Variants in SRGAP3 observed in about 807,000 individuals in gnomAD.
SRGAP3 encodes SLIT-ROBO Rho GTPase activating protein 3.
SRGAP3 carries 39 observed loss-of-function variants against 121.1 expected under a neutral mutation model. The ratio of observed to expected loss-of-function variants is 0.32; its 90% CI spans 0.25 to 0.42. The LOEUF is 0.42. Among genes scored for constraint, SRGAP3 ranks in the 10% least tolerant of loss-of-function variants. The pLI is 1.00. For synonymous variants in SRGAP3, 601 were observed against 570.0 expected (o/e 1.05, Z -0.77); for missense variants, 1,213 against 1,470.6 (o/e 0.82, Z 2.86).
At chr3:9,228,719 G>A (rs1953082392) in intron 1 of SRGAP3, among the ~76,000 whole-genome samples, 1 of 152,186 alleles carries the variant, frequency 6.6e-6, no homozygotes, top group South Asian at 2.1e-4. Flanking sequence ...ACAGAAGAAA[G>A]ATCAACAAGG....
Position 8,985,876 on chromosome 3 carries a change from C to G in SRGAP3, c.2943G>C (p.Gln981His), listed in dbSNP as rs1338085746. The G allele has an allele frequency of 6.2e-7, 1 of 1,600,058 alleles. No homozygotes were observed. Among genetic ancestry groups the G allele is most frequent in the East Asian group, 2.2e-5 (1 of 44,862 alleles). Reference sequence around the variant, plus strand: ...CATCTGGCGCCTGCTTGACCGTGTTCTGCCTCTCGAGTTCCCGCAACTCGT... The same window carrying G: ...CATCTGGCGCCTGCTTGACCGTGTTGTGCCTCTCGAGTTCCCGCAACTCGT... ...ALHELRELER[Q>H]NTVKQAPDVV... is the part of the protein sequence containing the mutation. Residue 981 changes from glutamine to histidine, a missense_variant, in exon 22 of 22, where the codon CAG becomes CAC. Gln to His is a conservative substitution (Grantham distance 24). Transcript: ENST00000383836. This position sits in a 1 kb window ranked among gnomAD's most constrained non-coding sequence, Gnocchi z 5.1.
chr3:9,087,449 AAC>A (rs1414684115), intron 3 of SRGAP3, among the ~76,000 whole-genome samples: 1 of 152,092 alleles, frequency 6.6e-6, no homozygotes, highest in South Asian at 2.1e-4. Flanking sequence ...TAGAGTCAAG[AAC>A]ACAATTCTAA....
chr3:9,127,143 G>A (rs1001326144), intron 1 of SRGAP3, among the ~76,000 whole-genome samples: 5 of 151,032 alleles, frequency 3.3e-5, no homozygotes, highest in Non-Finnish European at 7.4e-5. Flanking sequence ...GAAACATAGG[G>A]AGACCTCGTC....
intron 3 of SRGAP3, among the ~76,000 whole-genome samples, chr3:9,319,177 A>G (rs981373898): frequency 5.3e-5 from 8 of 151,932 alleles, no homozygotes; most frequent in Non-Finnish European, 1.2e-4. Context: ...CATTTTACAA[A>G]TAAGAAAACA....
At chr3:9,256,062 A>G (rs1435301775) in intron 3 of SRGAP3, among the ~76,000 whole-genome samples, 2 of 151,948 alleles carry the variant, frequency 1.3e-5, no homozygotes, top group East Asian at 3.9e-4. Context: ...AGACCCTGCA[A>G]TGCACACAGG....
At chr3:9,103,779 A>G (rs1331552268) in intron 3 of SRGAP3, among the ~76,000 whole-genome samples, 1 of 152,256 alleles carries the variant, frequency 6.6e-6, no homozygotes, top group Non-Finnish European at 1.5e-5. Context: ...TTAGTTCTAC[A>G]AACATTTGCA....
At chr3:8,995,467 C>T (rs1053174818) in intron 18 of SRGAP3, among the ~76,000 whole-genome samples, 1 of 152,080 alleles carries the variant, frequency 6.6e-6, no homozygotes. Flanking sequence ...CAGAGCAAGA[C>T]CCTGTCTCAA....
At chr3:9,204,002 G>A (rs1574862888) in intron 1 of SRGAP3, among the ~76,000 whole-genome samples, 1 of 152,138 alleles carries the variant, frequency 6.6e-6, no homozygotes, top group Admixed American at 6.5e-5. Context: ...AAACATGAGA[G>A]GAGGATGTAG....
At chr3:9,196,873 G>A (rs1560396494) in intron 1 of SRGAP3, among the ~76,000 whole-genome samples, 1 of 152,236 alleles carries the variant, frequency 6.6e-6, no homozygotes, top group East Asian at 1.9e-4. Context: ...GTTAGGTGCA[G>A]AAACAGGATT....
intron 17 of SRGAP3, among the ~76,000 whole-genome samples, chr3:9,012,646 G>A (rs113669799): frequency 6.6e-6 from 1 of 152,276 alleles, no homozygotes; most frequent in East Asian, 1.9e-4. Flanking sequence ...GGTGAGAGGA[G>A]ACAAGGGTAG....
intron 3 of SRGAP3, among the ~76,000 whole-genome samples, chr3:9,081,872 T>C (rs1947261125): frequency 6.6e-6 from 1 of 152,214 alleles, no homozygotes; most frequent in East Asian, 1.9e-4. Flanking sequence ...CCCTCAAAAT[T>C]CCTATTTTGA....
chr3:9,221,411 C>T (rs1371977021), intron 1 of SRGAP3, among the ~76,000 whole-genome samples: 1 of 152,068 alleles, frequency 6.6e-6, no homozygotes, highest in Non-Finnish European at 1.5e-5. Flanking sequence ...GTGGTGCACG[C>T]CTGTAGTCCC....
chr3:9,171,498 C>T (rs1362845693), intron 1 of SRGAP3, among the ~76,000 whole-genome samples: 2 of 152,174 alleles, frequency 1.3e-5, no homozygotes, highest in Admixed American at 1.3e-4. Context: ...AACTGAAGCC[C>T]TATAAAAATA....
chr3:9,235,344 T>A (rs1423315759), intron 1 of SRGAP3, among the ~76,000 whole-genome samples: 1 of 152,194 alleles, frequency 6.6e-6, no homozygotes. Context: ...ACGTGAAGTC[T>A]GGAAGGAAAT....
chr3:9,086,344 G>A (rs1437370017), intron 3 of SRGAP3, among the ~76,000 whole-genome samples: 1 of 151,952 alleles, frequency 6.6e-6, no homozygotes, highest in African/African-American at 2.4e-5. Context: ...GGGCAACATG[G>A]TGAAACCCTG....
At position 9,139,292 on chromosome 3, in the gene SRGAP3, C is replaced by T. The variant is rs1014954920; in HGVS notation, c.68-14375G>A. On this transcript the variant is annotated intron_variant, in intron 1 of 21. Coordinates refer to ENST00000383836, the MANE Select transcript of SRGAP3 (RefSeq NM_014850.4). ...TAATCCCTGGAACCTGGGAATGTTA[C>T]CTTCAATGGCAAAAAAGGACGTTGC... Among the ~76,000 whole-genome samples, 3 of 152,168 alleles carry T rather than the reference C, an allele frequency of 2.0e-5. No homozygotes were observed. In the South Asian group the frequency reaches 6.3e-4, roughly 32 times the overall value.
chr3:9,326,335 C>T (rs990365488), intron 2 of SRGAP3, among the ~76,000 whole-genome samples: 2 of 151,800 alleles, frequency 1.3e-5, no homozygotes, highest in Admixed American at 1.3e-4. Flanking sequence ...AATGAAATCC[C>T]TTTATAAATG....
chr3:9,218,882 A>T lies in SRGAP3; in HGVS notation c.67+30003T>A, dbSNP rs1042933871. Among the ~76,000 whole-genome samples the T allele has an allele frequency of 6.6e-6, 1 of 152,202 alleles. No individual in the cohort carries two copies. The highest frequency in any genetic ancestry group is 1.5e-5 in the Non-Finnish European group (1 of 68,038). On this transcript the variant is annotated intron_variant, in intron 1 of 21. Transcript: ENST00000383836. The surrounding 1 kb of genome is among the most constrained non-coding windows in gnomAD (Gnocchi z 5.3). Reference sequence around the variant, plus strand: ...GAGATGGGGTTTCACCATGTTGGCCAGGCTGGTCTCAAACTCCTGACCTCA... The same window carrying T: ...GAGATGGGGTTTCACCATGTTGGCCTGGCTGGTCTCAAACTCCTGACCTCA...
Position 9,342,223 on chromosome 3 carries a change from T to C in SRGAP3, n.215-11627A>G, listed in dbSNP as rs544817504. 1.3e-4 allele frequency among the ~76,000 whole-genome samples: 20 copies of C among 152,098 alleles called. No homozygotes were observed. The East Asian group carries it at 3.5e-3, about 27-fold the overall frequency. On this transcript the variant is annotated intron_variant and non_coding_transcript_variant, in intron 1 of 3. Transcript: ENST00000490889. ...AAAATTACCTGGGCGTGGTGGCGCA[T>C]GCCTATAGTCCCAGCTAATCGGGAG...
Sources: allele counts gnomAD v4.1 joint callset (sites outside exome capture counted in the v4.1 genomes callset), GRCh38; gene constraint gnomAD v4.1.1; non-coding constraint Gnocchi (gnomAD v3.1); transcripts MANE v1.5; gene names NCBI Gene and HGNC (gene_info 2026-07-23, HGNC 2026-07-21).